Variants in CMIP observed in about 807,000 individuals in gnomAD.
CMIP encodes the protein c-Maf inducing protein, also known as C-Maf-inducing protein.
In CMIP, 13 loss-of-function variants were observed where a neutral mutation model predicts 97.3. The observed-to-expected ratio is 0.13, with a 90% CI of 0.09 to 0.21. The LOEUF (loss-of-function observed/expected upper bound fraction) is 0.21, where lower values mean the gene tolerates loss of function less well. CMIP is among the 10% of genes least tolerant of loss of function. The pLI is 1.00. For missense variants in CMIP, 847 were observed against 1,024.9 expected (o/e 0.83, Z 2.37); for synonymous variants, 538 against 436.3 (o/e 1.23, Z -2.91).
intron 13 of CMIP, chr16:81,695,719 A>G (rs1262251505): frequency 6.6e-6 from 1 of 152,258 alleles, no homozygotes; most frequent in Non-Finnish European, 1.5e-5. Context: ...TCCCATACAC[A>G]CACACACGTG....
At position 81,652,646 on chromosome 16, in the gene CMIP, C is replaced by A. The variant is rs1363376726; in HGVS notation, c.639+282C>A. 6.6e-6 allele frequency among the ~76,000 whole-genome samples: 1 copy of A among 152,192 alleles called. No individual in the cohort carries two copies. Among genetic ancestry groups the A allele is most frequent in the Non-Finnish European group, 1.5e-5 (1 of 68,026 alleles). ...GTAGTCCCATCCCCATCTCTGTCTT[C>A]CCCTAGCAGTGGCCCACATGAGCTC... On this transcript the variant is annotated intron_variant, in intron 4 of 20. Transcript: ENST00000537098. The surrounding 1 kb of genome is among the most constrained non-coding windows in gnomAD (Gnocchi z 5.2).
chr16:81,550,913 C>CCCCAGTTCCGTCACATATAT (rs2090641006), intron 1 of CMIP, among the ~76,000 whole-genome samples: 3 of 148,662 alleles, frequency 2.0e-5, no homozygotes, highest in Non-Finnish European at 4.5e-5. Flanking sequence ...GTCACATGCA[C>CCCCAGTTCCGTCACATATAT]CCCAGTTCCG....
intron 20 of CMIP, among the ~76,000 whole-genome samples, chr16:81,709,169 G>C (rs1908481689): frequency 6.6e-6 from 1 of 152,208 alleles, no homozygotes; most frequent in African/African-American, 2.4e-5. Context: ...GGAGCCTCAA[G>C]TGGGAAGAAT....
At chr16:81,676,180 C>G (rs959258578) in intron 9 of CMIP, among the ~76,000 whole-genome samples, 3 of 152,202 alleles carry the variant, frequency 2.0e-5, no homozygotes, top group Non-Finnish European at 2.9e-5. Context: ...CGTGCCAGCC[C>G]TGGCTCAGCT....
intron 1 of CMIP, among the ~76,000 whole-genome samples, chr16:81,587,107 T>C (rs1353477779): frequency 6.6e-6 from 1 of 152,200 alleles, no homozygotes; most frequent in African/African-American, 2.4e-5. Flanking sequence ...AGCAGTTAAC[T>C]GGTATTGATT....
Position 81,652,229 on chromosome 16 carries a change from G to T in CMIP, c.504G>T (p.Val168=). ...WKKKIYKYKK[V]LSNPSRWEVV... ...AAAAGATTTACAAATATAAGAAAGTGCTGAGTAACCCAAGCCGCTGGGAAG... is the reference window on the plus strand; with the variant it reads ...AAAAGATTTACAAATATAAGAAAGTTCTGAGTAACCCAAGCCGCTGGGAAG... Residue 168 remains valine (V), a synonymous_variant, in exon 4 of 21, where the codon GTG becomes GTT. Transcript: ENST00000537098. The surrounding 1 kb of genome is among the most constrained non-coding windows in gnomAD (Gnocchi z 5.2). 2 of 1,613,608 alleles carry T rather than the reference G, an allele frequency of 1.2e-6. No individual in the cohort carries two copies. The highest frequency in any genetic ancestry group is 4.5e-5 in the East Asian group (2 of 44,870).
At chr16:81,645,762 C>G (rs1312958876) in intron 3 of CMIP, 5 of 737,714 alleles carry the variant, frequency 6.8e-6, no homozygotes, top group Non-Finnish European at 9.2e-6. Context: ...CCTCCCTGGA[C>G]TACTCCTTTA....
intron 3 of CMIP, among the ~76,000 whole-genome samples, chr16:81,634,045 C>T (rs1450598042): frequency 6.6e-6 from 1 of 152,210 alleles, no homozygotes; most frequent in Non-Finnish European, 1.5e-5. Flanking sequence ...AGAGTGAAGT[C>T]CCAAGACTAG....
intron 1 of CMIP, among the ~76,000 whole-genome samples, chr16:81,562,285 A>G (rs1230656117): frequency 1.3e-5 from 2 of 152,222 alleles, no homozygotes; most frequent in African/African-American, 2.4e-5. Flanking sequence ...GCAGAGGTCC[A>G]TGCCTGCCCA....
Position 81,672,089 on chromosome 16 carries a change from G to C in CMIP, c.1034+19G>C, listed in dbSNP as rs181311583. ...TCAACAGGTCAGTTGCTGAACCACC[G>C]CCACCCAGAGGGCTTGGGAGGGGCA... On this transcript the variant is annotated intron_variant, in intron 9 of 20. Transcript: ENST00000537098. 1.4e-6 allele frequency: 2 copies of C among 1,455,778 alleles called. No individual in the cohort carries two copies. The highest frequency in any genetic ancestry group is 1.9e-6 in the Non-Finnish European group (2 of 1,054,998). 90.2% of individuals were successfully genotyped at this position (1,455,778 alleles called of 1,614,324 possible).
chr16:81,578,009 C>T (rs369911581), intron 1 of CMIP, among the ~76,000 whole-genome samples: 253 of 151,574 alleles, frequency 1.7e-3, no homozygotes, highest in East Asian at 0.015. Flanking sequence ...CCATCACCTT[C>T]ATCACCACCA....
chr16:81,678,152 G>A (rs1249364001), intron 9 of CMIP, 123 bp from the exon 10 acceptor site: 3 of 701,584 alleles, frequency 4.3e-6, no homozygotes, highest in African/African-American at 3.6e-5. Flanking sequence ...TGTAGCACAG[G>A]AATGATGATA....
chr16:81,554,553 C>G (rs1046981581), intron 1 of CMIP, among the ~76,000 whole-genome samples: 6 of 152,206 alleles, frequency 3.9e-5, no homozygotes, highest in Non-Finnish European at 2.9e-5. Flanking sequence ...TTTGCAGAAT[C>G]CCAGACTGGC....
intron 3 of CMIP, among the ~76,000 whole-genome samples, chr16:81,640,163 T>C (rs1379361594): frequency 1.3e-5 from 2 of 152,034 alleles, no homozygotes; most frequent in African/African-American, 4.8e-5. Context: ...TGCCCAGGTG[T>C]GCCGTTTCTG....
At chr16:81,511,391 C>T (rs187905899) in intron 1 of CMIP, among the ~76,000 whole-genome samples, 2 of 152,310 alleles carry the variant, frequency 1.3e-5, no homozygotes, top group African/African-American at 4.8e-5. Flanking sequence ...AGATTCCGGA[C>T]GTGGTCTACA....
chr16:81,640,233 T>G (rs2092287173), intron 3 of CMIP, among the ~76,000 whole-genome samples: 3 of 142,860 alleles, frequency 2.1e-5, no homozygotes, highest in African/African-American at 5.3e-5. Flanking sequence ...GGCCTTAGGG[T>G]GGAAGTCAGT....
At chr16:81,605,164 A>G (rs150514937) in intron 1 of CMIP, among the ~76,000 whole-genome samples, 9 of 152,330 alleles carry the variant, frequency 5.9e-5, no homozygotes, top group African/African-American at 2.2e-4. Context: ...ACTGCAGAAT[A>G]GGGAGAACAG....
At chr16:81,641,878 T>C (rs1037054731) in intron 3 of CMIP, among the ~76,000 whole-genome samples, 1 of 152,096 alleles carries the variant, frequency 6.6e-6, no homozygotes, top group Non-Finnish European at 1.5e-5. Context: ...CCTCTCGGAG[T>C]GGCATGATGG....
chr16:81,708,440 CTG>C (rs3033928), intron 20 of CMIP, among the ~76,000 whole-genome samples: 82,755 of 152,008 alleles, frequency 0.54, 22,766 homozygotes, highest in Non-Finnish European at 0.56. Context: ...TCAGATGCTA[CTG>C]TGAGACCAAG....
Sources: gnomAD v4.1 joint callset for allele counts (sites outside exome capture counted in the v4.1 genomes callset) on GRCh38, gnomAD v4.1.1 for gene constraint, Gnocchi (gnomAD v3.1) non-coding constraint, MANE v1.5 for transcripts, NCBI Gene and HGNC (gene_info 2026-07-23, HGNC 2026-07-21) for gene names.